The following MAN2A1 variants were observed in gnomAD, a reference collection of about 807,000 sequenced individuals.
The protein encoded by MAN2A1 is alpha-mannosidase 2.
MAN2A1 carries 76 observed loss-of-function variants against 142.6 expected under a neutral mutation model. The observed-to-expected ratio is 0.53, with a 90% CI of 0.44 to 0.65. MAN2A1 has a LOEUF of 0.65. Ranked by LOEUF, MAN2A1 falls within the 30% of genes least tolerant of loss-of-function variation. The pLI is 0.00. For missense variants in MAN2A1, 1,311 were observed against 1,365.1 expected (o/e 0.96, Z 0.62); for synonymous variants, 559 against 473.2 (o/e 1.18, Z -2.35).
intron 1 of MAN2A1, among the ~76,000 whole-genome samples, chr5:109,695,321 T>C (rs564067456): frequency 2.5e-4 from 38 of 152,328 alleles, no homozygotes; most frequent in African/African-American, 8.7e-4. Flanking sequence ...AATTGTATTA[T>C]TGGAAGGGGA....
At chr5:109,707,606 G>T (rs924208033) in intron 1 of MAN2A1, among the ~76,000 whole-genome samples, 3 of 152,172 alleles carry the variant, frequency 2.0e-5, no homozygotes, top group African/African-American at 7.2e-5. Flanking sequence ...CATAACATGA[G>T]GAGGCCTGTT....
chr5:109,729,039 AG>A (rs3839282), intron 3 of MAN2A1, among the ~76,000 whole-genome samples: 74,561 of 151,740 alleles, frequency 0.49, 19,254 homozygotes, highest in African/African-American at 0.66. Flanking sequence ...AAATTGAATT[AG>A]ATACTATAAT....
chr5:109,694,659 T>TA (rs1158757970), intron 1 of MAN2A1, among the ~76,000 whole-genome samples: 2 of 69,066 alleles, frequency 2.9e-5, no homozygotes, highest in Non-Finnish European at 2.8e-5. Context: ...GCCTTTTGTG[T>TA]TTTTTTTTTT....
At chr5:109,747,155 C>G (rs78746027) in intron 4 of MAN2A1, among the ~76,000 whole-genome samples, 2,822 of 152,178 alleles carry the variant, frequency 0.019, 34 homozygotes, top group Middle Eastern at 0.071. Context: ...TCCCTTCTTT[C>G]CATCTCCAGA....
chr5:109,723,595 C>T (rs944601000), intron 3 of MAN2A1, among the ~76,000 whole-genome samples: 2 of 152,180 alleles, frequency 1.3e-5, no homozygotes, highest in Admixed American at 6.5e-5. Flanking sequence ...TTAGTCTTCA[C>T]ACTCTTAGTA....
intron 20 of MAN2A1, among the ~76,000 whole-genome samples, chr5:109,861,316 A>T (rs1755749080): frequency 6.6e-6 from 1 of 152,190 alleles, no homozygotes; most frequent in Non-Finnish European, 1.5e-5. Context: ...TTCAGTCATG[A>T]ACAACGGCAG....
intron 12 of MAN2A1, among the ~76,000 whole-genome samples, chr5:109,800,408 A>G (rs183672537): frequency 6.6e-6 from 1 of 152,236 alleles, no homozygotes; most frequent in African/African-American, 2.4e-5. Context: ...GTGCCTAGCA[A>G]ATCTTTAAGG....
At chr5:109,842,228 A>G in intron 16 of MAN2A1, 100 bp from the exon 17 acceptor site, 1 of 686,296 alleles carries the variant, frequency 1.5e-6, no homozygotes. Flanking sequence ...AGTAGAAAAC[A>G]AGAAAATGTA....
At chr5:109,856,524 T>C (rs960427617) in intron 20 of MAN2A1, among the ~76,000 whole-genome samples, 17 of 152,316 alleles carry the variant, frequency 1.1e-4, no homozygotes, top group Admixed American at 9.8e-4. Flanking sequence ...TAAAGGGGCC[T>C]GTCTTTAGAC....
chr5:109,793,063 T>G (rs1330030249), intron 12 of MAN2A1, among the ~76,000 whole-genome samples: 1 of 152,074 alleles, frequency 6.6e-6, no homozygotes. Flanking sequence ...TTTCCTGATG[T>G]GAGGAGCATG....
Position 109,713,624 on chromosome 5 carries a change from T to C in MAN2A1, c.240T>C (p.Ser80=). The C allele has an allele frequency of 6.2e-7, 1 of 1,614,150 alleles. No homozygotes were observed. The highest frequency in any genetic ancestry group is 8.5e-7 in the Non-Finnish European group (1 of 1,180,020). ...SNIRDSVINL[S]ESVEDGPKSS... ...TTAGAGACTCAGTCATCAATTTGAG[T>C]GAGTCTGTGGAGGATGGTCCGAAAA... The change falls in exon 2 of 22, where the codon AGT becomes AGC. Residue 80 remains serine, a synonymous_variant. Transcript: ENST00000261483.
At chr5:109,785,150 G>A (rs1753563891) in intron 10 of MAN2A1, among the ~76,000 whole-genome samples, 1 of 152,004 alleles carries the variant, frequency 6.6e-6, no homozygotes, top group African/African-American at 2.4e-5. Flanking sequence ...TCTGCAAATA[G>A]GGTAGTAAAA....
At chr5:109,717,555 A>G (rs548520587) in intron 3 of MAN2A1, among the ~76,000 whole-genome samples, 2 of 152,236 alleles carry the variant, frequency 1.3e-5, no homozygotes, top group South Asian at 4.1e-4. Flanking sequence ...ATCTTTTCCT[A>G]CATATACCTG....
chr5:109,771,931 G>T (rs1212445663), intron 7 of MAN2A1, among the ~76,000 whole-genome samples: 3 of 151,764 alleles, frequency 2.0e-5, no homozygotes, highest in Non-Finnish European at 2.9e-5. Context: ...CATTATTGAG[G>T]AAAAAAAGGC....
At chr5:109,770,752 G>C (rs1753124752) in intron 7 of MAN2A1, among the ~76,000 whole-genome samples, 1 of 151,900 alleles carries the variant, frequency 6.6e-6, no homozygotes, top group Admixed American at 6.6e-5. Context: ...AACAATACTA[G>C]ATCAATATAC....
At chr5:109,702,526 T>A (rs1751017699) in intron 1 of MAN2A1, among the ~76,000 whole-genome samples, 1 of 152,076 alleles carries the variant, frequency 6.6e-6, no homozygotes, top group African/African-American at 2.4e-5. Context: ...AAAGAAAAAC[T>A]CCCTTCTGTT....
intron 12 of MAN2A1, among the ~76,000 whole-genome samples, chr5:109,793,330 A>G (rs1753782135): frequency 6.6e-6 from 1 of 152,112 alleles, no homozygotes; most frequent in Admixed American, 6.6e-5. Context: ...ATCACAGTAG[A>G]TTGTAAACTC....
intron 3 of MAN2A1, among the ~76,000 whole-genome samples, chr5:109,718,213 A>T (rs1034281507): frequency 1.4e-4 from 21 of 152,276 alleles, no homozygotes; most frequent in South Asian, 8.3e-4. Context: ...ATATACTTCA[A>T]AGTGTGTCTT....
At chr5:109,830,759 T>C (rs1434659222) in intron 16 of MAN2A1, among the ~76,000 whole-genome samples, 1 of 152,170 alleles carries the variant, frequency 6.6e-6, no homozygotes, top group Non-Finnish European at 1.5e-5. Flanking sequence ...CTGCTAAGGA[T>C]TTTTTTCCCT....
Sources: gnomAD v4.1 joint callset for allele counts (sites outside exome capture counted in the v4.1 genomes callset) on GRCh38, gnomAD v4.1.1 for gene constraint, MANE v1.5 for transcripts, NCBI Gene and HGNC (gene_info 2026-07-23, HGNC 2026-07-21) for gene names.